Variants in CNBD1 observed in about 807,000 individuals in gnomAD.
The protein encoded by CNBD1 is cyclic nucleotide binding domain containing 1.
Under a neutral mutation model 54.4 loss-of-function variants are expected in CNBD1, and 71 were observed. The observed-to-expected ratio is 1.30, with a 90% confidence interval of 1.08 to 1.59. The LOEUF is 1.59. Among genes scored for constraint, CNBD1 ranks in the 40% most tolerant of loss-of-function variants. The probability of loss-of-function intolerance (pLI) is 0.00; values close to 1 mark genes in which losing one functional copy is unlikely to be tolerated. For synonymous variants in CNBD1, 182 were observed against 170.7 expected, an observed-to-expected ratio of 1.07 and a Z score of -0.51; for missense variants, 659 against 518.0, an observed-to-expected ratio of 1.27 and a Z score of -2.64.
Position 87,077,743 on chromosome 8 carries a change from G to T in CNBD1, c.432-128250G>T, listed in dbSNP as rs182575068. On this transcript the variant is annotated intron_variant, in intron 4 of 10. Coordinates refer to ENST00000518476, the MANE Select transcript of CNBD1 (RefSeq NM_173538.3). ...TCATCCATGTCCCTACAAAGGACAT[G>T]AACTCATCCTTTTTTATGGCTGCAT... 1.2e-4 allele frequency among the ~76,000 whole-genome samples: 18 copies of T among 152,064 alleles called. No individual in the cohort carries two copies. The East Asian group carries it at 3.5e-3, about 29-fold the overall frequency.
At chr8:86,994,788 TA>T (rs1320619813) in intron 4 of CNBD1, among the ~76,000 whole-genome samples, 1 of 152,070 alleles carries the variant, frequency 6.6e-6, no homozygotes, top group Non-Finnish European at 1.5e-5. Context: ...CTGCTCAAAG[TA>T]GGTTGGTTTT....
chr8:87,082,246 C>T (rs781315210), intron 4 of CNBD1, among the ~76,000 whole-genome samples: 4 of 152,064 alleles, frequency 2.6e-5, no homozygotes, highest in Non-Finnish European at 5.9e-5. Context: ...ACCTTGTGAC[C>T]CACACCCCTG....
At chr8:87,062,927 C>G (rs1205709932) in intron 4 of CNBD1, among the ~76,000 whole-genome samples, 1 of 152,004 alleles carries the variant, frequency 6.6e-6, no homozygotes, top group East Asian at 1.9e-4. Flanking sequence ...ATAGTACAAG[C>G]CGTCTACTGG....
intron 10 of CNBD1, among the ~76,000 whole-genome samples, chr8:87,376,405 G>A (rs1440715441): frequency 1.3e-5 from 2 of 151,822 alleles, no homozygotes; most frequent in Non-Finnish European, 2.9e-5. Context: ...CTTGCCAGAA[G>A]AAACCTACTA....
At chr8:86,878,388 C>A (rs1288415375) in intron 1 of CNBD1, among the ~76,000 whole-genome samples, 1 of 152,076 alleles carries the variant, frequency 6.6e-6, no homozygotes, top group Non-Finnish European at 1.5e-5. Context: ...ATGTTGAACA[C>A]TTTTCATCAA....
At chr8:87,318,968 A>T (rs1247522232) in intron 8 of CNBD1, among the ~76,000 whole-genome samples, 1 of 152,130 alleles carries the variant, frequency 6.6e-6, no homozygotes, top group Non-Finnish European at 1.5e-5. Flanking sequence ...AATGAGCATA[A>T]TGAAATAAAC....
chr8:86,973,953 T>G (rs755527692), intron 4 of CNBD1, among the ~76,000 whole-genome samples: 1 of 152,032 alleles, frequency 6.6e-6, no homozygotes, highest in Non-Finnish European at 1.5e-5. Flanking sequence ...AATAAATATT[T>G]ATTGACTATT....
intron 4 of CNBD1, among the ~76,000 whole-genome samples, chr8:87,049,659 G>C (rs181711331): frequency 6.6e-6 from 1 of 152,282 alleles, no homozygotes; most frequent in East Asian, 1.9e-4. Flanking sequence ...ATCATGTTCA[G>C]GTTCTCTGGT....
At chr8:86,977,390 C>A (rs112536557) in intron 4 of CNBD1, among the ~76,000 whole-genome samples, 22 of 152,112 alleles carry the variant, frequency 1.4e-4, no homozygotes, top group African/African-American at 4.8e-4. Flanking sequence ...ACTCTTTATT[C>A]TTTTTCTCTT....
chr8:86,984,157 G>T (rs1176495116), intron 4 of CNBD1, among the ~76,000 whole-genome samples: 1 of 152,174 alleles, frequency 6.6e-6, no homozygotes, highest in Non-Finnish European at 1.5e-5. Flanking sequence ...TAGAGCTTGG[G>T]CTGTGGCTTC....
At chr8:86,946,063 C>T (rs1451118473) in intron 4 of CNBD1, among the ~76,000 whole-genome samples, 1 of 152,156 alleles carries the variant, frequency 6.6e-6, no homozygotes, top group African/African-American at 2.4e-5. Flanking sequence ...AAACATATTA[C>T]TTCGTCCATT....
chr8:87,329,600 C>A (rs1809772350), intron 8 of CNBD1, among the ~76,000 whole-genome samples: 1 of 151,894 alleles, frequency 6.6e-6, no homozygotes, highest in Non-Finnish European at 1.5e-5. Context: ...TAGTTTTATT[C>A]ATACAGAAAT....
At chr8:87,339,845 A>G (rs567515649) in intron 8 of CNBD1, among the ~76,000 whole-genome samples, 4 of 152,082 alleles carry the variant, frequency 2.6e-5, no homozygotes, top group Non-Finnish European at 4.4e-5. Context: ...CTGTTTATTT[A>G]TTAACGTATT....
intron 4 of CNBD1, among the ~76,000 whole-genome samples, chr8:87,070,088 G>A (rs1436724923): frequency 6.6e-6 from 1 of 152,054 alleles, no homozygotes; most frequent in Non-Finnish European, 1.5e-5. Context: ...TAATAAATTA[G>A]TGGGTATCCA....
intron 8 of CNBD1, among the ~76,000 whole-genome samples, chr8:87,297,049 G>A (rs1366297682): frequency 1.3e-5 from 2 of 150,960 alleles, no homozygotes; most frequent in African/African-American, 2.4e-5. Flanking sequence ...TTGGTGGCGG[G>A]TGCCTGTAGT....
At chr8:87,129,776 CTCTT>C (rs1266400523) in intron 4 of CNBD1, among the ~76,000 whole-genome samples, 1 of 152,090 alleles carries the variant, frequency 6.6e-6, no homozygotes, top group African/African-American at 2.4e-5. Flanking sequence ...ATTTCTCTCT[CTCTT>C]TTTTGTTTTT....
At chr8:87,008,465 G>C (rs146431347) in intron 4 of CNBD1, among the ~76,000 whole-genome samples, 8 of 152,304 alleles carry the variant, frequency 5.3e-5, no homozygotes, top group African/African-American at 1.9e-4. Context: ...GTGGGTCTTA[G>C]AAGTCCTTTC....
intron 10 of CNBD1, among the ~76,000 whole-genome samples, chr8:87,372,621 T>C (rs1326246350): frequency 1.3e-5 from 2 of 151,832 alleles, no homozygotes; most frequent in Non-Finnish European, 2.9e-5. Flanking sequence ...TGAAAATCAA[T>C]CTAGTAATAG....
rs541229687 is a variant in CNBD1 at position 86,887,562 on chromosome 8, A to G, written c.109A>G (p.Ile37Val). ...SIPNLKKSKH[I>V]NYGQLNALCH... ...TTCAGACTTGAAAAAGTCTAAGCAC[A>G]TTAATTATGGCCAGTTGAATGCATT... The change falls in exon 2 of 11, where the codon ATT (isoleucine) becomes GTT (valine). Residue 37 changes from isoleucine (I) to valine (V), a missense_variant. By Grantham distance (29) the Ile-to-Val change is conservative. Coordinates refer to ENST00000518476, the MANE Select transcript of CNBD1 (RefSeq NM_173538.3). The G allele has an allele frequency of 1.5e-5, 23 of 1,574,680 alleles. No homozygotes were observed. Among genetic ancestry groups the G allele is most frequent in the Middle Eastern group, 3.3e-4 (2 of 6,006 alleles).
Sources: allele counts gnomAD v4.1 joint callset (sites outside exome capture counted in the v4.1 genomes callset), GRCh38; gene constraint gnomAD v4.1.1; transcripts MANE v1.5; gene names NCBI Gene and HGNC (gene_info 2026-07-23, HGNC 2026-07-21).